The following DMD variants were observed in gnomAD, a reference collection of about 807,000 sequenced individuals.
DMD encodes the protein mutant dystrophin.
Under a neutral mutation model 330.1 loss-of-function variants are expected in DMD, and 63 were observed. The observed-to-expected ratio is 0.19, with a 90% CI of 0.16 to 0.24. The LOEUF (loss-of-function observed/expected upper bound fraction) is 0.24. Ranked by LOEUF, DMD falls within the 10% of genes least tolerant of loss-of-function variation. The pLI, the probability that DMD is intolerant of heterozygous loss-of-function variation, is 1.00. For missense variants in DMD, 3,344 were observed against 2,684.1 expected, an observed-to-expected ratio of 1.25 and a Z score of -5.43; for synonymous variants, 1,223 against 959.8, an observed-to-expected ratio of 1.27 and a Z score of -5.07.
intron 44 of DMD, among the ~76,000 whole-genome samples, chrX:32,050,165 CTTGA>C: frequency 9.0e-6 from 1 of 111,322 alleles, no homozygotes; most frequent in East Asian, 2.8e-4. Flanking sequence ...TTCATAGACT[CTTGA>C]TTTTATTTAC....
At chrX:32,456,634 G>C (rs2098360322) in intron 25 of DMD, among the ~76,000 whole-genome samples, 1 of 105,269 alleles carries the variant, frequency 9.5e-6, no homozygotes, top group Non-Finnish European at 2.0e-5. Flanking sequence ...GTGTGTGTGT[G>C]CACGTGCTCA....
chrX:31,554,680 T>C (rs1354857811), intron 55 of DMD, among the ~76,000 whole-genome samples: 1 of 112,192 alleles, frequency 8.9e-6, no homozygotes, highest in African/African-American at 3.2e-5. Flanking sequence ...TGAATCATAA[T>C]TGAATACTCA....
At chrX:32,209,960 G>C in intron 44 of DMD, among the ~76,000 whole-genome samples, 1 of 111,520 alleles carries the variant, frequency 9.0e-6, no homozygotes. Flanking sequence ...CGGAATTTCT[G>C]CCTGGTACCA....
chrX:33,209,255 C>A (rs779594477), intron 1 of DMD, among the ~76,000 whole-genome samples: 1 of 111,254 alleles, frequency 9.0e-6, no homozygotes, highest in South Asian at 3.7e-4. Context: ...ACACCAAAAG[C>A]TTTGTATTAA....
chrX:32,858,272 A>T (rs2081759242), intron 2 of DMD, among the ~76,000 whole-genome samples: 1 of 112,139 alleles, frequency 8.9e-6, no homozygotes, highest in Admixed American at 9.4e-5. Flanking sequence ...TATGCTAAAA[A>T]TTCCTAGAGA....
chrX:32,256,638 C>T (rs1240885540), intron 43 of DMD, among the ~76,000 whole-genome samples: 3 of 111,582 alleles, frequency 2.7e-5, no homozygotes, highest in East Asian at 2.8e-4. Context: ...ATGTTTCTCT[C>T]AGTGGCTGGT....
At chrX:31,648,005 C>G (rs1224036086) in intron 54 of DMD, among the ~76,000 whole-genome samples, 3 of 111,995 alleles carry the variant, frequency 2.7e-5, no homozygotes, top group Non-Finnish European at 5.6e-5. Context: ...CTATGTACTT[C>G]AAGAAATTAT....
Position 33,078,347 on chromosome X carries a change from C to A in DMD, c.32-58147G>T, listed in dbSNP as rs900675263. ...AAATGACCAATTTCTCCAATGGTGTCCTGTTACAAAAGAAAACAGATTCTT... is the reference window on the plus strand; with the variant it reads ...AAATGACCAATTTCTCCAATGGTGTACTGTTACAAAAGAAAACAGATTCTT... On this transcript the variant is annotated intron_variant, in intron 1 of 78. Coordinates refer to ENST00000357033, the MANE Select transcript of DMD (RefSeq NM_004006.3). Among the ~76,000 whole-genome samples, 8 of 111,981 alleles carry A rather than the reference C, an allele frequency of 7.1e-5. No individual in the cohort carries two copies. The East Asian group carries it at 2.0e-3, about 28-fold the overall frequency.
chrX:32,412,021 T>A, intron 29 of DMD, 108 bp from the exon 30 acceptor site: 1 of 1,195,515 alleles, frequency 8.4e-7, no homozygotes, highest in Non-Finnish European at 1.1e-6. Flanking sequence ...ACAATCACCT[T>A]TTTGTAAGAC....
chrX:32,629,112 G>T (rs2058564735), intron 11 of DMD, among the ~76,000 whole-genome samples: 1 of 111,440 alleles, frequency 9.0e-6, no homozygotes, highest in Non-Finnish European at 1.9e-5. Context: ...GCTGAAAATG[G>T]GGAATTGAAA....
At chrX:32,408,959 A>AT (rs1486672519) in intron 30 of DMD, among the ~76,000 whole-genome samples, 1 of 109,013 alleles carries the variant, frequency 9.2e-6, no homozygotes, top group Non-Finnish European at 1.9e-5. Flanking sequence ...CCATCTCTAT[A>AT]TTTAAAATGT....
chrX:32,518,170 A>C, intron 17 of DMD, 39 bp from the exon 18 acceptor site: 2 of 1,169,876 alleles, frequency 1.7e-6, no homozygotes, highest in South Asian at 3.7e-5. Flanking sequence ...TTTCTTGATT[A>C]TCTCTTTCTT....
At chrX:31,869,008 CT>C (rs1316940887) in intron 48 of DMD, among the ~76,000 whole-genome samples, 1 of 78,647 alleles carries the variant, frequency 1.3e-5, no homozygotes. Context: ...TTCCTCTCAC[CT>C]TATGTACCAC....
At chrX:31,125,902 C>T (rs937927294) in intron 78 of DMD, among the ~76,000 whole-genome samples, 2 of 111,991 alleles carry the variant, frequency 1.8e-5, no homozygotes, top group African/African-American at 3.2e-5. Flanking sequence ...CTGAAGGGTA[C>T]GTTGAGATGA....
chrX:32,300,360 C>A (rs1029744406), intron 42 of DMD, among the ~76,000 whole-genome samples: 4 of 111,477 alleles, frequency 3.6e-5, no homozygotes, highest in Non-Finnish European at 3.8e-5. Context: ...CATTTCCTGG[C>A]TGAGTTTCCT....
intron 2 of DMD, among the ~76,000 whole-genome samples, chrX:33,006,539 CA>C (rs1175520642): frequency 9.0e-6 from 1 of 111,042 alleles, no homozygotes; most frequent in Non-Finnish European, 1.9e-5. Flanking sequence ...CATCTACATG[CA>C]AAAAAATGAA....
At chrX:32,679,896 T>C (rs1442507006) in intron 9 of DMD, among the ~76,000 whole-genome samples, 1 of 95,136 alleles carries the variant, frequency 1.1e-5, no homozygotes, top group Admixed American at 1.2e-4. Flanking sequence ...CGCTCTAATA[T>C]TTGTACTTTT....
At chrX:31,338,232 G>A (rs1294804582) in intron 61 of DMD, among the ~76,000 whole-genome samples, 3 of 104,180 alleles carry the variant, frequency 2.9e-5, no homozygotes, top group South Asian at 4.6e-4. Context: ...TTTGGAGACC[G>A]AGGCAGGCGG....
chrX:33,285,914 A>G (rs4829286), intron 1 of DMD, among the ~76,000 whole-genome samples: 54,462 of 110,718 alleles, frequency 0.49, 11,062 homozygotes, highest in Middle Eastern at 0.67. Flanking sequence ...TGAATTTTGA[A>G]TTGTATTTTG....
Sources: allele counts gnomAD v4.1 joint callset (sites outside exome capture counted in the v4.1 genomes callset), GRCh38; gene constraint gnomAD v4.1.1; transcripts MANE v1.5; gene names NCBI Gene and HGNC (gene_info 2026-07-23, HGNC 2026-07-21).